CDH23: variants seen among roughly 807,000 people sequenced by gnomAD.
CDH23 encodes the protein cadherin-23.
In CDH23, 189 loss-of-function variants were observed where a neutral mutation model predicts 317.1. The ratio of observed to expected loss-of-function variants is 0.60; its 90% CI spans 0.53 to 0.67. The LOEUF is 0.67. Among genes scored for constraint, CDH23 ranks in the 30% least tolerant of loss-of-function variants. The pLI is 0.00. For synonymous variants in CDH23, 1,839 were observed against 1,876.8 expected, an observed-to-expected ratio of 0.98 and a Z score of 0.52; for missense variants, 4,401 against 4,592.4, an observed-to-expected ratio of 0.96 and a Z score of 1.20.
rs372636295 is a variant in CDH23 at position 71,741,862 on chromosome 10, C to T, written c.4786C>T (p.Arg1596Cys). The T allele has an allele frequency of 5.1e-5, 82 of 1,610,716 alleles. 1 individual carries two copies. The Middle Eastern group carries it at 2.0e-3, about 39-fold the overall frequency. The change falls in exon 38 of 70, where the codon CGC (arginine) becomes TGC (cysteine). Residue 1596 changes from arginine (R) to cysteine (C), a missense_variant. Arg to Cys is a radical substitution (Grantham distance 180). Transcript: ENST00000224721. ...ATRPAPPDRE[R>C]QSFYHLVATV... ...ACGGCCTGCCCCGCCTGACCGCGAG[C>T]GCCAGAGCTTCTACCACCTGGTGGC...
At chr10:71,805,728 G>C (rs888168049) in intron 55 of CDH23, 78 bp from the exon 56 acceptor site, 1 of 1,409,172 alleles carries the variant, frequency 7.1e-7, no homozygotes, top group African/African-American at 1.4e-5. Flanking sequence ...GCAGGAGAAA[G>C]AGCAAGGGCT....
chr10:71,690,917 C>G (rs1200322329), intron 20 of CDH23, among the ~76,000 whole-genome samples: 1 of 152,240 alleles, frequency 6.6e-6, no homozygotes, highest in Non-Finnish European at 1.5e-5. Flanking sequence ...CCTCCCTCAG[C>G]TGCTGACCTC....
intron 38 of CDH23, chr10:71,762,146 C>T: frequency 1.7e-6 from 2 of 1,178,684 alleles, no homozygotes; most frequent in Non-Finnish European, 2.3e-6. Flanking sequence ...GGCATGTCAG[C>T]TGACCTCCCT....
At chr10:71,639,438 T>C (rs1862429445) in intron 11 of CDH23, among the ~76,000 whole-genome samples, 1 of 152,216 alleles carries the variant, frequency 6.6e-6, no homozygotes, top group Non-Finnish European at 1.5e-5. Context: ...TGACCTGAGC[T>C]GAGGTGCTTG....
chr10:71,600,507 C>T (rs952561578), intron 9 of CDH23, among the ~76,000 whole-genome samples: 7 of 150,828 alleles, frequency 4.6e-5, no homozygotes, highest in South Asian at 4.2e-4. Flanking sequence ...TTTGTTTGAC[C>T]GCAGAACTTT....
At position 71,810,550 on chromosome 10, in the gene CDH23, C is replaced by T. The variant is rs181658753; in HGVS notation, c.9058C>T (p.Arg3020Cys). The change falls in exon 62 of 70, where the codon CGC (arginine) becomes TGC (cysteine). Residue 3020 changes from arginine to cysteine, a missense_variant. This residue lies in a region of CDH23 where 1,144 missense variants were observed against 1,138.2 expected (regional missense o/e 1.01). Coordinates refer to ENST00000224721, the MANE Select transcript of CDH23 (RefSeq NM_022124.6). ...CCACGTGGTGAACCGCGATACCAAC[C>T]GCATCCTGGACGTGGACCGGTGAGT... ...LIHVVNRDTN[R>C]ILDVDRVIQM... is the part of the protein sequence containing the mutation. 1.9e-5 allele frequency: 30 copies of T among 1,613,968 alleles called. No individual in the cohort carries two copies. In the East Asian group the frequency reaches 3.8e-4, roughly 20 times the overall value.
intron 34 of CDH23, among the ~76,000 whole-genome samples, chr10:71,738,208 T>C (rs2132840733): frequency 6.6e-6 from 1 of 152,284 alleles, no homozygotes; most frequent in South Asian, 2.1e-4. Flanking sequence ...GCTTTTCAGT[T>C]CTCCTGTCCC....
intron 11 of CDH23, among the ~76,000 whole-genome samples, chr10:71,643,559 G>GCC (rs5786045): frequency 8.5e-4 from 128 of 151,248 alleles, no homozygotes; most frequent in Non-Finnish European, 1.4e-3. Context: ...AGGAGCCCTT[G>GCC]CCCCCCCCTC....
chr10:71,778,093 A>C, intron 39 of CDH23, 96 bp from the exon 40 acceptor site: 2 of 1,541,770 alleles, frequency 1.3e-6, no homozygotes, highest in East Asian at 4.8e-5. Flanking sequence ...TCCCCATCAC[A>C]GCTCCAATGT....
chr10:71,516,691 T>C (rs1317581465), intron 6 of CDH23, among the ~76,000 whole-genome samples: 1 of 152,194 alleles, frequency 6.6e-6, no homozygotes, highest in African/African-American at 2.4e-5. Flanking sequence ...ATTCCCATCC[T>C]ACAGAGACAG....
intron 14 of CDH23, among the ~76,000 whole-genome samples, chr10:71,652,396 C>A (rs1011211201): frequency 1.3e-5 from 2 of 152,232 alleles, no homozygotes; most frequent in Non-Finnish European, 2.9e-5. Flanking sequence ...GTAGTGCCTG[C>A]GCAGCCTGCA....
At chr10:71,743,193 G>A (rs757049806) in intron 38 of CDH23, among the ~76,000 whole-genome samples, 59 of 152,216 alleles carry the variant, frequency 3.9e-4, no homozygotes, top group Non-Finnish European at 7.2e-4. Flanking sequence ...CTGAAGGAAT[G>A]AGCTACAAAG....
chr10:71,505,058 A>G (rs1853559642), intron 3 of CDH23, among the ~76,000 whole-genome samples: 2 of 152,224 alleles, frequency 1.3e-5, no homozygotes, highest in Non-Finnish European at 2.9e-5. Flanking sequence ...TTAAACATGC[A>G]TTGGAAATTT....
chr10:71,667,400 G>A (rs1665634), intron 14 of CDH23, among the ~76,000 whole-genome samples: 102,126 of 143,546 alleles, frequency 0.71, 37,021 homozygotes, highest in East Asian at 0.9. Flanking sequence ...GTGTGTGCGC[G>A]TGTGTGTGTG....
intron 3 of CDH23, among the ~76,000 whole-genome samples, chr10:71,451,017 C>T (rs1850414202): frequency 6.6e-6 from 1 of 152,144 alleles, no homozygotes; most frequent in South Asian, 2.1e-4. Context: ...CCTGCCTCAC[C>T]GGCAGCCTTC....
rs1413463475 is a variant in CDH23 at position 71,808,027 on chromosome 10, G to A, written c.8722+20G>A. 9 of 1,568,522 alleles carry A rather than the reference G, an allele frequency of 5.7e-6. No homozygotes were observed. Among genetic ancestry groups the A allele is most frequent in the Admixed American group, 1.9e-5 (1 of 53,464 alleles). ...CCATGGGTAGGGCCTGGCAGCACAT[G>A]AGTGGCCTCTAGCCATGACCTCTCA... is the stretch of plus-strand genomic sequence containing the variant. On this transcript the variant is annotated intron_variant, in intron 60 of 69. Coordinates refer to ENST00000224721, the MANE Select transcript of CDH23 (RefSeq NM_022124.6).
intron 1 of CDH23, among the ~76,000 whole-genome samples, chr10:71,422,407 T>G (rs1460920265): frequency 6.6e-6 from 1 of 152,208 alleles, no homozygotes; most frequent in Non-Finnish European, 1.5e-5. Flanking sequence ...ATCTGCAAAG[T>G]GGGTCAGCAA....
chr10:71,686,117 CA>C (rs1359854995), intron 18 of CDH23, among the ~76,000 whole-genome samples: 1 of 151,992 alleles, frequency 6.6e-6, no homozygotes, highest in East Asian at 1.9e-4. Context: ...CATTAGGGGA[CA>C]ATAAGCTTTT....
intron 3 of CDH23, among the ~76,000 whole-genome samples, chr10:71,495,411 G>C (rs533337202): frequency 6.6e-6 from 1 of 152,238 alleles, no homozygotes; most frequent in African/African-American, 2.4e-5. Flanking sequence ...TTCTTTTCCT[G>C]CTATTGAAAG....
Sources: gnomAD v4.1 joint callset for allele counts (sites outside exome capture counted in the v4.1 genomes callset) on GRCh38, gnomAD v4.1.1 for gene constraint, gnomAD v4.1.1 regional missense constraint, MANE v1.5 for transcripts, NCBI Gene and HGNC (gene_info 2026-07-23, HGNC 2026-07-21) for gene names.